Variants in SOX5 observed in about 807,000 individuals in gnomAD.
SOX5 encodes the protein SRY-box transcription factor 5.
SOX5 carries 9 observed loss-of-function variants against 92.0 expected under a neutral mutation model. That is an observed-to-expected ratio of 0.10 (90% CI 0.06 to 0.17). SOX5 has a LOEUF of 0.17. Ranked by LOEUF, SOX5 falls within the 10% of genes least tolerant of loss-of-function variation. SOX5 has a pLI of 1.00. For missense variants in SOX5, 642 were observed against 944.5 expected, an observed-to-expected ratio of 0.68 and a Z score of 4.20; for synonymous variants, 344 against 336.3, an observed-to-expected ratio of 1.02 and a Z score of -0.25.
At chr12:23,924,433 T>C (rs1939360629) in intron 1 of SOX5, among the ~76,000 whole-genome samples, 1 of 152,124 alleles carries the variant, frequency 6.6e-6, no homozygotes, top group Non-Finnish European at 1.5e-5. Context: ...AAAGGCCTTA[T>C]ATAATTTGAC....
intron 4 of SOX5, among the ~76,000 whole-genome samples, chr12:24,062,544 C>T (rs1228126247): frequency 1.3e-5 from 2 of 152,294 alleles, no homozygotes; most frequent in Non-Finnish European, 2.9e-5. Context: ...TTACTATAGA[C>T]CGGAGTTCTT....
intron 1 of SOX5, among the ~76,000 whole-genome samples, chr12:24,511,913 G>A (rs1202536242): frequency 2.0e-5 from 3 of 149,806 alleles, no homozygotes; most frequent in Admixed American, 6.7e-5. Flanking sequence ...AGCCCAGATC[G>A]TGCCACTGCA....
At chr12:23,967,385 G>C (rs1402868890) in intron 4 of SOX5, among the ~76,000 whole-genome samples, 4 of 151,936 alleles carry the variant, frequency 2.6e-5, no homozygotes, top group African/African-American at 9.7e-5. Flanking sequence ...AATATAAAAA[G>C]TAACTAAATA....
chr12:24,557,061 A>G, intron 1 of SOX5, among the ~76,000 whole-genome samples: 1 of 152,014 alleles, frequency 6.6e-6, no homozygotes, highest in Admixed American at 6.6e-5. Context: ...TCCAAACAAT[A>G]CCCCTATAAG....
chr12:23,882,172 G>A (rs989165968), intron 2 of SOX5, among the ~76,000 whole-genome samples: 4 of 152,042 alleles, frequency 2.6e-5, no homozygotes, highest in Admixed American at 2.0e-4. Flanking sequence ...CATGTATTGT[G>A]GCTTTCTCCC....
chr12:24,294,830 T>C (rs1947015688), intron 2 of SOX5, among the ~76,000 whole-genome samples: 1 of 152,178 alleles, frequency 6.6e-6, no homozygotes, highest in South Asian at 2.1e-4. Context: ...GTTAGGAAAA[T>C]CTAATCTACA....
chr12:24,182,545 A>T (rs1024129833), intron 4 of SOX5, among the ~76,000 whole-genome samples: 1 of 152,264 alleles, frequency 6.6e-6, no homozygotes, highest in South Asian at 2.1e-4. Context: ...GGAACCAAAA[A>T]GAAAAATACA....
rs143559733 is a variant in SOX5 at position 23,899,549 on chromosome 12, A to AT, written c.39-3526dup. 5.7e-3 allele frequency among the ~76,000 whole-genome samples: 868 copies of AT among 152,298 alleles called. 9 individuals are homozygous for AT. The highest frequency in any genetic ancestry group is 0.02 in the African/African-American group (822 of 41,560). ...CGTATGCTCTTATCCTTTAGAGATG[A>AT]TTTTTATCACTTCTGTGGTGCTAGG... On this transcript the variant is annotated intron_variant, in intron 1 of 14. Transcript: ENST00000451604.
chr12:24,428,726 C>CAAAAAAAAAA (rs57964050), intron 1 of SOX5, among the ~76,000 whole-genome samples: 592 of 32,608 alleles, frequency 0.018, 135 homozygotes, highest in Non-Finnish European at 0.024. Flanking sequence ...CTCTGTTTCT[C>CAAAAAAAAAA]AAAAAAAAAA....
chr12:24,290,958 A>C (rs2140506691), intron 2 of SOX5, among the ~76,000 whole-genome samples: 1 of 152,356 alleles, frequency 6.6e-6, no homozygotes, highest in South Asian at 2.1e-4. Flanking sequence ...TCACATAGCT[A>C]CTTGTAAAAA....
intron 4 of SOX5, among the ~76,000 whole-genome samples, chr12:24,198,577 T>C (rs1957224974): frequency 6.6e-6 from 1 of 152,182 alleles, no homozygotes; most frequent in Non-Finnish European, 1.5e-5. Context: ...TACGAACTAA[T>C]AACCCGATCC....
rs1364561228 is a variant in SOX5, at chr12:23,570,925, AAAAAAATATATATATATATAT to A, written c.1342+4715_1342+4735del. On this transcript the variant is annotated intron_variant, in intron 10 of 14. Transcript: ENST00000451604. Reference sequence around the variant, plus strand: ...GACTCCAACTCAAAAAAAAAAAAAAAAAAAAATATATATATATATATATATATATATATATATATATATATA... The same window carrying A: ...GACTCCAACTCAAAAAAAAAAAAAAAATATATATATATATATATATATATA... Among the ~76,000 whole-genome samples the A allele has an allele frequency of 3.0e-3, 106 of 35,730 alleles. 4 individuals are homozygous for A. The highest frequency in any genetic ancestry group is 0.02 in the South Asian group (20 of 998). 23.4% of individuals were successfully genotyped at this position (35,730 alleles called of 152,430 possible). A position where few individuals can be genotyped will look rare whatever the true frequency, so the allele number is the denominator to read the frequency against.
Position 24,443,599 on chromosome 12 carries a change from T to C in SOX5, c.-250-74960A>G, listed in dbSNP as rs144150985. On this transcript the variant is annotated intron_variant, in intron 1 of 4. Transcript: ENST00000446891. ...GTGTCTATTTGTTTTCTTCAGCACATAGAAGATGCTAGAACAAGAATGAGT... is the reference window on the plus strand; with the variant it reads ...GTGTCTATTTGTTTTCTTCAGCACACAGAAGATGCTAGAACAAGAATGAGT... 1.2e-4 allele frequency among the ~76,000 whole-genome samples: 18 copies of C among 152,342 alleles called. No homozygotes were observed. The East Asian group carries it at 3.1e-3, about 26-fold the overall frequency.
At chr12:24,177,601 G>A (rs1422939329) in intron 4 of SOX5, among the ~76,000 whole-genome samples, 1 of 152,128 alleles carries the variant, frequency 6.6e-6, no homozygotes, top group Non-Finnish European at 1.5e-5. Flanking sequence ...AGTTATGACT[G>A]TACTCAACTC....
At chr12:24,282,154 T>C (rs1290590089) in intron 2 of SOX5, among the ~76,000 whole-genome samples, 1 of 152,076 alleles carries the variant, frequency 6.6e-6, no homozygotes, top group Non-Finnish European at 1.5e-5. Flanking sequence ...GGAATATACA[T>C]GATCAATAAA....
At chr12:24,164,569 T>C (rs1953164986) in intron 4 of SOX5, among the ~76,000 whole-genome samples, 1 of 152,084 alleles carries the variant, frequency 6.6e-6, no homozygotes, top group Non-Finnish European at 1.5e-5. Flanking sequence ...CACTCTGGTG[T>C]CCCTGAATGG....
intron 1 of SOX5, among the ~76,000 whole-genome samples, chr12:24,501,850 T>G (rs1420304589): frequency 6.6e-6 from 1 of 152,066 alleles, no homozygotes; most frequent in Non-Finnish European, 1.5e-5. Flanking sequence ...AATAAACAAA[T>G]TTCCTCACTG....
At chr12:24,479,736 G>C (rs1039850308) in intron 1 of SOX5, among the ~76,000 whole-genome samples, 1 of 152,030 alleles carries the variant, frequency 6.6e-6, no homozygotes, top group African/African-American at 2.4e-5. Flanking sequence ...CACAATCTCA[G>C]CTTACTGCAA....
intron 2 of SOX5, among the ~76,000 whole-genome samples, chr12:23,861,214 C>CTGTG (rs1035469562): frequency 6.6e-6 from 1 of 152,022 alleles, no homozygotes; most frequent in African/African-American, 2.4e-5. Flanking sequence ...GTTCTTGGTG[C>CTGTG]TGTGTGTCCT....
Sources: allele counts gnomAD v4.1 joint callset (sites outside exome capture counted in the v4.1 genomes callset), GRCh38; gene constraint gnomAD v4.1.1; transcripts MANE v1.5; gene names NCBI Gene and HGNC (gene_info 2026-07-23, HGNC 2026-07-21).